FAAP24: variants seen among roughly 807,000 people sequenced by gnomAD.
FAAP24 encodes Fanconi anemia core complex-associated protein 24.
FAAP24 carries 16 observed loss-of-function variants against 14.3 expected under a neutral mutation model. The observed-to-expected ratio is 1.12, with a 90% CI of 0.76 to 1.69. The LOEUF is 1.69. Ranked by LOEUF, FAAP24 falls within the 40% of genes most tolerant of loss-of-function variation. The pLI, the probability that FAAP24 is intolerant of heterozygous loss-of-function variation, is 0.00. For synonymous variants in FAAP24, 111 were observed against 106.2 expected, an observed-to-expected ratio of 1.04 and a Z score of -0.28; for missense variants, 234 against 262.7, an observed-to-expected ratio of 0.89 and a Z score of 0.75.
intron 2 of FAAP24, 45 bp downstream of exon 2, chr19:32,973,347 T>TAAA: frequency 8.4e-7 from 1 of 1,184,894 alleles, no homozygotes; most frequent in Non-Finnish European, 1.2e-6. Flanking sequence ...CCTGACATAT[T>TAAA]AAAAAAAAAA....
chr19:32,977,255 C>T lies in FAAP24; in HGVS notation c.*573C>T, dbSNP rs946497422. 2.5e-6 allele frequency: 1 copy of T among 398,780 alleles called. No homozygotes were observed. The highest frequency in any genetic ancestry group is 2.1e-5 in the African/African-American group (1 of 48,594). The allele number at this position is 398,780 out of a possible 1,614,324, so 24.7% of individuals were successfully genotyped here. A position where few individuals can be genotyped will look rare whatever the true frequency, so the allele number is the denominator to read the frequency against. ...TTCGCAAGAGAGTCAGGGACTCACA[C>T]TCAGCAAAAAGCATTAGGGCCGATT... On this transcript the variant is annotated 3_prime_UTR_variant, in exon 5 of 5. Transcript: ENST00000588258.
chr19:32,977,711 G>A lies in FAAP24; in HGVS notation c.*1029G>A. ...CAAGGGGGGTGAATCACAAGGTCAG[G>A]AGATCCAGACCATCCTGGCCGACAT... On this transcript the variant is annotated 3_prime_UTR_variant, in exon 5 of 5. Coordinates refer to ENST00000588258, the MANE Select transcript of FAAP24 (RefSeq NM_152266.5). The A allele has an allele frequency of 3.1e-6, 1 of 323,384 alleles. No homozygotes were observed. The highest frequency in any genetic ancestry group is 4.8e-5 in the East Asian group (1 of 20,624). The allele number at this position is 323,384 out of a possible 1,614,324, so 20.0% of individuals were successfully genotyped here. A position where few individuals can be genotyped will look rare whatever the true frequency, so the allele number is the denominator to read the frequency against.
rs1246017878 is a variant in FAAP24 at position 32,972,364 on chromosome 19, G to T, written c.-14+18G>T. On this transcript the variant is annotated intron_variant, in intron 1 of 4. Transcript: ENST00000588258. ...AAGCTACGGTGCGGATCCAGCTGGG[G>T]TATCAGGGGCTAGGCACGTGATGAA... 5 of 403,610 alleles carry T rather than the reference G, an allele frequency of 1.2e-5. No homozygotes were observed. Among genetic ancestry groups the T allele is most frequent in the Non-Finnish European group, 2.2e-5 (5 of 228,358 alleles). 25.0% of individuals were successfully genotyped at this position (403,610 alleles called of 1,614,324 possible). A position where few individuals can be genotyped will look rare whatever the true frequency, so the allele number is the denominator to read the frequency against.
chr19:32,976,170 T>C (rs1419422588), intron 4 of FAAP24, among the ~76,000 whole-genome samples: 2 of 152,206 alleles, frequency 1.3e-5, no homozygotes, highest in African/African-American at 4.8e-5. Context: ...CAACAGAAAG[T>C]GTTTGAATTC....
At chr19:32,973,398 G>T (rs1252513574) in intron 2 of FAAP24, 28 bp from the exon 3 acceptor site, 1 of 1,609,556 alleles carries the variant, frequency 6.2e-7, no homozygotes, top group Admixed American at 1.7e-5. Flanking sequence ...AAAGCTTATG[G>T]AACTCATTTT....
chr19:32,975,522 C>T (rs537265733), intron 4 of FAAP24, among the ~76,000 whole-genome samples: 4 of 149,232 alleles, frequency 2.7e-5, no homozygotes, highest in African/African-American at 9.9e-5. Context: ...TGCAATGATG[C>T]AGTCTCGGCT....
At position 32,973,225 on chromosome 19, in the gene FAAP24, G is replaced by C. The variant is rs34151845; in HGVS notation, c.29G>C (p.Gly10Ala). 3.3e-3 allele frequency: 5,393 copies of C among 1,613,788 alleles called. 155 individuals carry two copies. The African/African-American group carries it at 0.062, about 19-fold the overall frequency. MEKNPPDDT[G>A]PVHVPLGHIV... The stretch of plus-strand genomic sequence containing the variant: ...GAAAAGAACCCCCCTGATGATACGG[G>C]CCCCGTGCACGTGCCTTTGGGGCAT... Residue 10 changes from glycine to alanine, a missense_variant, in exon 2 of 5, where the codon GGC becomes GCC. Transcript: ENST00000588258.
At chr19:32,975,387 T>C (rs928445323) in intron 4 of FAAP24, among the ~76,000 whole-genome samples, 1 of 151,660 alleles carries the variant, frequency 6.6e-6, no homozygotes, top group Non-Finnish European at 1.5e-5. Flanking sequence ...GCCAGGCTAG[T>C]CTCAAACTCC....
At position 32,973,288 on chromosome 19, in the gene FAAP24, C is replaced by T. The variant is rs200046285; in HGVS notation, c.92C>T (p.Ala31Val). 77 of 1,613,984 alleles carry T rather than the reference C, an allele frequency of 4.8e-5. No homozygotes were observed. The East Asian group carries it at 1.2e-3, about 25-fold the overall frequency. Reference protein sequence around the residue: ...ANEKWRGSQLAQEMQGKIKLI... With the variant: ...ANEKWRGSQLVQEMQGKIKLI... ...GAGAAATGGCGCGGGTCACAGCTGG[C>T]GCAGGAGATGCAAGGTCGGTGGCCT... Residue 31 changes from alanine (A) to valine (V), a missense_variant, in exon 2 of 5, where the codon GCG becomes GTG. Physicochemically the swap from Ala to Val is moderately conservative, Grantham distance 64 (BLOSUM62 0). Transcript: ENST00000588258.
At chr19:32,976,356 C>T in intron 4 of FAAP24, 75 bp from the exon 5 acceptor site, 1 of 1,521,968 alleles carries the variant, frequency 6.6e-7, no homozygotes, top group Non-Finnish European at 8.8e-7. Flanking sequence ...AACGCAATTT[C>T]TACAAAACAT....
chr19:32,975,660 G>A (rs934295701), intron 4 of FAAP24, among the ~76,000 whole-genome samples: 14 of 151,596 alleles, frequency 9.2e-5, no homozygotes, highest in African/African-American at 3.4e-4. Context: ...GTTTCTCCAT[G>A]TTGGTCAGGC....
At chr19:32,973,801 G>A (rs1971479845) in intron 3 of FAAP24, among the ~76,000 whole-genome samples, 1 of 152,214 alleles carries the variant, frequency 6.6e-6, no homozygotes, top group African/African-American at 2.4e-5. Context: ...GCTGTAGTGA[G>A]CCGAGATCAC....
chr19:32,976,563 C>G lies in FAAP24; in HGVS notation c.529C>G (p.Leu177Val), dbSNP rs773972293. ...AGTTGGAAAAGTTAAAGCTCCCCTTCTCCTCCAGAAGTTTCCAAGCATCCA... is the reference window on the plus strand; with the variant it reads ...AGTTGGAAAAGTTAAAGCTCCCCTTGTCCTCCAGAAGTTTCCAAGCATCCA... ...PGVGKVKAPL[L>V]LQKFPSIQQL... The change falls in exon 5 of 5, where the codon CTC (leucine) becomes GTC (valine). Residue 177 changes from leucine (L) to valine (V), a missense_variant. Transcript: ENST00000588258. The G allele has an allele frequency of 2.1e-5, 34 of 1,614,048 alleles. No homozygotes were observed. In the East Asian group the frequency reaches 7.4e-4, roughly 35 times the overall value.
At chr19:32,974,294 A>G in intron 4 of FAAP24, 82 bp downstream of exon 4, 1 of 1,443,432 alleles carries the variant, frequency 6.9e-7, no homozygotes, top group Non-Finnish European at 9.4e-7. Context: ...CATCAATCCA[A>G]TCTATGTCAT....
At chr19:32,974,248 G>T in intron 4 of FAAP24, 36 bp downstream of exon 4, 1 of 1,588,258 alleles carries the variant, frequency 6.3e-7, no homozygotes, top group Non-Finnish European at 8.6e-7. Flanking sequence ...TGGTAGTCCT[G>T]TCCTCATGGA....
rs1971465599 is a variant in FAAP24, at chr19:32,973,286, G to A, written c.90G>A (p.Leu30=). 6.2e-7 allele frequency: 1 copy of A among 1,613,962 alleles called. No homozygotes were observed. Among genetic ancestry groups the A allele is most frequent in the Admixed American group, 1.7e-5 (1 of 59,980 alleles). Residue 30 remains leucine, a synonymous_variant, in exon 2 of 5, where the codon CTG becomes CTA. Transcript: ENST00000588258. ...ATGAGAAATGGCGCGGGTCACAGCTGGCGCAGGAGATGCAAGGTCGGTGGC... is the reference window on the plus strand; with the variant it reads ...ATGAGAAATGGCGCGGGTCACAGCTAGCGCAGGAGATGCAAGGTCGGTGGC... ...VANEKWRGSQ[L]AQEMQGKIKL...
chr19:32,976,703 G>A lies in FAAP24; in HGVS notation c.*21G>A. ...GGTGAGGGCTGGCCTCAGGGCCACG[G>A]CATCTTCTCCTGAGACCACAAACAC... On this transcript the variant is annotated 3_prime_UTR_variant, in exon 5 of 5. Coordinates refer to ENST00000588258, the MANE Select transcript of FAAP24 (RefSeq NM_152266.5). The A allele has an allele frequency of 3.7e-6, 6 of 1,610,832 alleles. No homozygotes were observed. Among genetic ancestry groups the A allele is most frequent in the Non-Finnish European group, 5.1e-6 (6 of 1,177,930 alleles).
chr19:32,973,178 C>A lies in FAAP24; in HGVS notation c.-13-6C>A. On this transcript the variant is annotated splice_polypyrimidine_tract_variant and splice_region_variant and intron_variant, in intron 1 of 4. Transcript: ENST00000588258. Reference sequence around the variant, plus strand: ...CTCAAGTGCCGCCTGGCTTTTCCCTCCTTAGGTGGAGACCATCCATGGAAA... The same window carrying A: ...CTCAAGTGCCGCCTGGCTTTTCCCTACTTAGGTGGAGACCATCCATGGAAA... 6.2e-7 allele frequency: 1 copy of A among 1,610,686 alleles called. No homozygotes were observed. Among genetic ancestry groups the A allele is most frequent in the South Asian group, 1.1e-5 (1 of 90,902 alleles).
At chr19:32,975,294 C>A (rs1256008524) in intron 4 of FAAP24, among the ~76,000 whole-genome samples, 1 of 151,588 alleles carries the variant, frequency 6.6e-6, no homozygotes, top group East Asian at 1.9e-4. Flanking sequence ...CTCAGCCTCC[C>A]TAGTACCTGG....
Sources: allele counts gnomAD v4.1 joint callset (sites outside exome capture counted in the v4.1 genomes callset), GRCh38; gene constraint gnomAD v4.1.1; transcripts MANE v1.5; gene names NCBI Gene and HGNC (gene_info 2026-07-23, HGNC 2026-07-21).